Variants in GAMT observed in about 807,000 individuals in gnomAD.
GAMT encodes guanidinoacetate N-methyltransferase, also known as epididymis secretory protein Li 20.
Under a neutral mutation model 26.9 loss-of-function variants are expected in GAMT, and 26 were observed. That is an observed-to-expected ratio of 0.97 (90% CI 0.71 to 1.34). The LOEUF (loss-of-function observed/expected upper bound fraction) is 1.34, where lower values mean the gene tolerates loss of function less well. Ranked by LOEUF, GAMT falls within the 40% of genes most tolerant of loss-of-function variation. The probability of loss-of-function intolerance (pLI) is 0.00; values close to 1 mark genes in which losing one functional copy is unlikely to be tolerated. For missense variants in GAMT, 412 were observed against 345.0 expected, an observed-to-expected ratio of 1.19 and a Z score of -1.54; for synonymous variants, 169 against 149.6, an observed-to-expected ratio of 1.13 and a Z score of -0.95.
rs778279369 is a variant in GAMT at position 1,397,448 on chromosome 19, G to A, written c.622C>T (p.Arg208Cys). 1.8e-5 allele frequency: 29 copies of A among 1,610,322 alleles called. No individual in the cohort carries two copies. Among genetic ancestry groups the A allele is most frequent in the South Asian group, 3.3e-5 (3 of 91,086 alleles). The change falls in exon 6 of 6, where the codon CGT (arginine) becomes TGT (cysteine). Residue 208 changes from arginine to cysteine, a missense_variant. Physicochemically the swap from Arg to Cys is radical, Grantham distance 180. Coordinates refer to ENST00000252288, the MANE Select transcript of GAMT (RefSeq NM_000156.6). ...LEAGFRRENI[R>C]TEVMALVPPA... is the part of the protein sequence containing the mutation. ...GGGACCAGCGCCATCACCTCCGTAC[G>A]GATGTTCTCCCTCCGGAAGCCGGCC...
At position 1,401,359 on chromosome 19, in the gene GAMT, G is replaced by T; in HGVS notation, c.118C>A (p.Pro40Thr). ...ADTHLRILGK[P>T]VMERWETPYM... ...GGGGTCTCCCAGCGCTCCATCACCGGCTTGCCCAGGATGCGCAGGTGCGTG... is the reference window on the plus strand; with the variant it reads ...GGGGTCTCCCAGCGCTCCATCACCGTCTTGCCCAGGATGCGCAGGTGCGTG... Residue 40 changes from proline to threonine, a missense_variant, in exon 1 of 6, where the codon CCG (proline) becomes ACG (threonine). Transcript: ENST00000252288. 6.5e-7 allele frequency: 1 copy of T among 1,529,694 alleles called. No homozygotes were observed. The highest frequency in any genetic ancestry group is 8.7e-7 in the Non-Finnish European group (1 of 1,147,468). The allele number at this position is 1,529,694 out of a possible 1,614,324, so 94.8% of individuals were successfully genotyped here.
chr19:1,401,484 G>A lies in GAMT; in HGVS notation c.-8C>T, dbSNP rs1555777388. 5.3e-6 allele frequency: 7 copies of A among 1,316,862 alleles called. No individual in the cohort carries two copies. Among genetic ancestry groups the A allele is most frequent in the African/African-American group, 3.1e-5 (2 of 65,214 alleles). The allele number at this position is 1,316,862 out of a possible 1,614,324, so 81.6% of individuals were successfully genotyped here. On this transcript the variant is annotated 5_prime_UTR_variant, in exon 1 of 6. Coordinates refer to ENST00000252288, the MANE Select transcript of GAMT (RefSeq NM_000156.6). Reference sequence around the variant, plus strand: ...CGCGCTGGGGGCGCTCATGCTGCAGGCTGGACGGCGACCCGACCTCGATCG... The same window carrying A: ...CGCGCTGGGGGCGCTCATGCTGCAGACTGGACGGCGACCCGACCTCGATCG...
chr19:1,398,723 C>T (rs2082614975), intron 5 of GAMT, 193 bp downstream of exon 5: 1 of 1,541,410 alleles, frequency 6.5e-7, no homozygotes, highest in Non-Finnish European at 8.7e-7. Flanking sequence ...GGATTATAGA[C>T]CTGAGCCACT....
chr19:1,399,619 G>C lies in GAMT; in HGVS notation c.328-32C>G. 5.6e-6 allele frequency: 9 copies of C among 1,599,812 alleles called. No homozygotes were observed. The highest frequency in any genetic ancestry group is 6.8e-6 in the Non-Finnish European group (8 of 1,171,864). ...GAGGGGAAAAGAAAAAGAGAGGACA[G>C]GGTAGAGAGGTCCCCAGGATCTCCC... is the stretch of plus-strand genomic sequence containing the variant. On this transcript the variant is annotated intron_variant, in intron 2 of 5. Transcript: ENST00000252288. This position sits in a 1 kb window ranked among gnomAD's most constrained non-coding sequence, Gnocchi z 6.2.
intron 1 of GAMT, among the ~76,000 whole-genome samples, chr19:1,401,056 C>G (rs578106661): frequency 6.6e-6 from 1 of 152,190 alleles, no homozygotes. Context: ...GAGCGGGGGG[C>G]CTCACTCCCC....
In GAMT at chr19:1,399,041, T is replaced by A; in HGVS notation, c.460-15A>T. ...AAGGCGTGGTTCTGTGGAAGGGGAG[T>A]GGCCAGTGGTCAGGACGGAGGTGGG... On this transcript the variant is annotated splice_polypyrimidine_tract_variant and intron_variant, in intron 4 of 5. Coordinates refer to ENST00000252288, the MANE Select transcript of GAMT (RefSeq NM_000156.6). This position sits in a 1 kb window ranked among gnomAD's most constrained non-coding sequence, Gnocchi z 6.2. 6.2e-7 allele frequency: 1 copy of A among 1,612,708 alleles called. No individual in the cohort carries two copies. Among genetic ancestry groups the A allele is most frequent in the Non-Finnish European group, 8.5e-7 (1 of 1,179,880 alleles).
At chr19:1,400,014 AG>A in intron 1 of GAMT, 76 bp from the exon 2 acceptor site, 1 of 1,503,910 alleles carries the variant, frequency 6.6e-7, no homozygotes, top group Non-Finnish European at 8.9e-7. Context: ...GGCACAGGGC[AG>A]GGCAGGGCTG....
rs1569008901 is a variant in GAMT at position 1,401,355 on chromosome 19, A to G, written c.122T>C (p.Val41Ala). 6.5e-7 allele frequency: 1 copy of G among 1,532,542 alleles called. No individual in the cohort carries two copies. Among genetic ancestry groups the G allele is most frequent in the South Asian group, 1.2e-5 (1 of 83,142 alleles). 94.9% of individuals were successfully genotyped at this position (1,532,542 alleles called of 1,614,324 possible). A position where few individuals can be genotyped will look rare whatever the true frequency, so the allele number is the denominator to read the frequency against. ...DTHLRILGKP[V>A]MERWETPYMH... is the part of the protein sequence containing the mutation. ...ATAGGGGGTCTCCCAGCGCTCCATC[A>G]CCGGCTTGCCCAGGATGCGCAGGTG... is the stretch of plus-strand genomic sequence containing the variant. The change falls in exon 1 of 6, where the codon GTG becomes GCG. Residue 41 changes from valine (V) to alanine (A), a missense_variant. Coordinates refer to ENST00000252288, the MANE Select transcript of GAMT (RefSeq NM_000156.6).
Position 1,399,344 on chromosome 19 carries a change from T to C in GAMT, c.392-149A>G. On this transcript the variant is annotated intron_variant, in intron 3 of 5. Transcript: ENST00000252288. This position sits in a 1 kb window ranked among gnomAD's most constrained non-coding sequence, Gnocchi z 6.2. ...CCACACAGGCTTGAGAACCCCGAGATCGCCTCCAGGGCCCCTCCGTGAGCA... is the reference window on the plus strand; with the variant it reads ...CCACACAGGCTTGAGAACCCCGAGACCGCCTCCAGGGCCCCTCCGTGAGCA... 9.2e-7 allele frequency: 1 copy of C among 1,082,978 alleles called. No individual in the cohort carries two copies. The highest frequency in any genetic ancestry group is 1.9e-5 in the Admixed American group (1 of 51,450). The allele number at this position is 1,082,978 out of a possible 1,614,324, so 67.1% of individuals were successfully genotyped here.
chr19:1,398,480 G>A (rs1185452820), intron 5 of GAMT: 1 of 495,570 alleles, frequency 2.0e-6, no homozygotes, highest in South Asian at 3.9e-5. Flanking sequence ...CTGTTACCCA[G>A]GCTGGAGTGC....
Position 1,401,402 on chromosome 19 carries a change from C to T in GAMT, c.75G>A (p.Ala25=), listed in dbSNP as rs748507636. ...NCSPAWGAAP[A]AYDAADTHLR... ...GGTGCGTGTCCGCTGCGTCGTAGGC[C>T]GCGGGCGCCGCCCCCCACGCGGGGC... The change falls in exon 1 of 6, where the codon GCG becomes GCA. Residue 25 remains alanine, a synonymous_variant. Transcript: ENST00000252288. The T allele has an allele frequency of 2.1e-6, 3 of 1,458,078 alleles. No individual in the cohort carries two copies. Among genetic ancestry groups the T allele is most frequent in the South Asian group, 1.3e-5 (1 of 74,996 alleles). The allele number at this position is 1,458,078 out of a possible 1,614,324, so 90.3% of individuals were successfully genotyped here.
Position 1,399,516 on chromosome 19 carries a change from C to G in GAMT, c.391+8G>C, listed in dbSNP as rs1333892851. The stretch of plus-strand genomic sequence containing the variant: ...GCCCACCCTGTGATACGTCCCCTCA[C>G]CCCTCACCATCAAAGTGACCGTCAG... On this transcript the variant is annotated splice_region_variant and intron_variant, in intron 3 of 5. Coordinates refer to ENST00000252288, the MANE Select transcript of GAMT (RefSeq NM_000156.6). The surrounding 1 kb of genome is among the most constrained non-coding windows in gnomAD (Gnocchi z 6.2). 1.2e-6 allele frequency: 2 copies of G among 1,611,640 alleles called. No homozygotes were observed. Among genetic ancestry groups the G allele is most frequent in the East Asian group, 2.2e-5 (1 of 44,860 alleles).
In GAMT at chr19:1,401,346, C is replaced by T. The variant is rs200339910; in HGVS notation, c.131G>A (p.Arg44His). The T allele has an allele frequency of 5.9e-6, 9 of 1,536,906 alleles. No individual in the cohort carries two copies. Among genetic ancestry groups the T allele is most frequent in the East Asian group, 2.6e-5 (1 of 38,316 alleles). Reference sequence around the variant, plus strand: ...CGCGTGCATATAGGGGGTCTCCCAGCGCTCCATCACCGGCTTGCCCAGGAT... The same window carrying T: ...CGCGTGCATATAGGGGGTCTCCCAGTGCTCCATCACCGGCTTGCCCAGGAT... ...LRILGKPVME[R>H]WETPYMHALA... is the part of the protein sequence containing the mutation. The change falls in exon 1 of 6, where the codon CGC (arginine) becomes CAC (histidine). Residue 44 changes from arginine (R) to histidine (H), a missense_variant. Arg to His is a conservative substitution (Grantham distance 29). Coordinates refer to ENST00000252288, the MANE Select transcript of GAMT (RefSeq NM_000156.6).
At chr19:1,398,129 G>A (rs894627931) in intron 5 of GAMT, 6 of 982,362 alleles carry the variant, frequency 6.1e-6, no homozygotes, top group South Asian at 9.1e-5. Context: ...ATGGAGTCTC[G>A]GTCTGTTGCC....
chr19:1,399,469 G>T lies in GAMT; in HGVS notation c.391+55C>A. On this transcript the variant is annotated intron_variant, in intron 3 of 5. Coordinates refer to ENST00000252288, the MANE Select transcript of GAMT (RefSeq NM_000156.6). The surrounding 1 kb of genome is among the most constrained non-coding windows in gnomAD (Gnocchi z 6.2). Reference sequence around the variant, plus strand: ...AGAGGGACCCCCACAAGCAAAGGAGGGGCTGCATTGGAGCTGGGGAGGCCC... The same window carrying T: ...AGAGGGACCCCCACAAGCAAAGGAGTGGCTGCATTGGAGCTGGGGAGGCCC... The T allele has an allele frequency of 6.7e-7, 1 of 1,495,590 alleles. No individual in the cohort carries two copies. The highest frequency in any genetic ancestry group is 9.2e-7 in the Non-Finnish European group (1 of 1,084,788). 92.6% of individuals were successfully genotyped at this position (1,495,590 alleles called of 1,614,324 possible).
intron 5 of GAMT, chr19:1,398,104 T>C: frequency 1.0e-6 from 1 of 994,110 alleles, no homozygotes; most frequent in Non-Finnish European, 1.2e-6. Flanking sequence ...TTTTTTTTGT[T>C]TTTGTTTTGT....
At chr19:1,401,127 G>T (rs759683688) in intron 1 of GAMT, among the ~76,000 whole-genome samples, 169 bp downstream of exon 1, 1 of 152,192 alleles carries the variant, frequency 6.6e-6, no homozygotes, top group East Asian at 1.9e-4. Flanking sequence ...CACGCCTGCC[G>T]CACTCCCCGT....
Position 1,399,079 on chromosome 19 carries a change from G to A in GAMT, c.459+49C>T. 6.2e-7 allele frequency: 1 copy of A among 1,613,414 alleles called. No homozygotes were observed. Among genetic ancestry groups the A allele is most frequent in the South Asian group, 1.1e-5 (1 of 91,084 alleles). Reference sequence around the variant, plus strand: ...GGACGGAGGTGGGGGTGTGGGCAGAGGGGCTTCCCCGAGGGCCTCCCGCAT... The same window carrying A: ...GGACGGAGGTGGGGGTGTGGGCAGAAGGGCTTCCCCGAGGGCCTCCCGCAT... On this transcript the variant is annotated intron_variant, in intron 4 of 5. Transcript: ENST00000252288. The surrounding 1 kb of genome is among the most constrained non-coding windows in gnomAD (Gnocchi z 6.2).
At chr19:1,397,573 G>A (rs898079110) in intron 5 of GAMT, 74 bp from the exon 6 acceptor site, 2 of 1,585,234 alleles carry the variant, frequency 1.3e-6, no homozygotes, top group South Asian at 2.2e-5. Flanking sequence ...ACCCCTCATT[G>A]AAGAGTGTTT....
Sources: gnomAD v4.1 joint callset for allele counts (sites outside exome capture counted in the v4.1 genomes callset) on GRCh38, gnomAD v4.1.1 for gene constraint, Gnocchi (gnomAD v3.1) non-coding constraint, MANE v1.5 for transcripts, NCBI Gene and HGNC (gene_info 2026-07-23, HGNC 2026-07-21) for gene names.